MAZ: variants seen among roughly 807,000 people sequenced by gnomAD.
MAZ encodes MYC associated zinc finger protein, also known as myc-associated zinc finger protein.
A neutral mutation model predicts 32.7 loss-of-function variants in MAZ; 4 were observed. That is an observed-to-expected ratio of 0.12 (90% CI 0.06 to 0.28). The LOEUF (loss-of-function observed/expected upper bound fraction) is 0.28, where lower values mean the gene tolerates loss of function less well. Among genes scored for constraint, MAZ ranks in the 10% least tolerant of loss-of-function variants. The probability of loss-of-function intolerance (pLI) is 1.00; values close to 1 mark genes in which losing one functional copy is unlikely to be tolerated. For synonymous variants in MAZ, 510 were observed against 297.6 expected (o/e 1.71, Z -7.35); for missense variants, 763 against 667.2 (o/e 1.14, Z -1.58).
rs185558517 is a variant in MAZ, at chr16:29,808,303, C to T, written c.1107+10C>T. On this transcript the variant is annotated intron_variant, in intron 3 of 4. Coordinates refer to ENST00000322945, the MANE Select transcript of MAZ (RefSeq NM_002383.4). The stretch of plus-strand genomic sequence containing the variant: ...GCCCTTCAAATGTGAGGTAGGAAGC[C>T]CGCCTCCTCCTGTCTTGGTTTTCAT... The T allele has an allele frequency of 2.2e-5, 35 of 1,612,460 alleles. No individual in the cohort carries two copies. The highest frequency in any genetic ancestry group is 4.0e-5 in the African/African-American group (3 of 74,938).
Position 29,808,653 on chromosome 16 carries a change from T to C in MAZ, c.1191T>C (p.Cys397=). The change falls in exon 4 of 5, where the codon TGT becomes TGC. Residue 397 remains cysteine, a synonymous_variant. Coordinates refer to ENST00000322945, the MANE Select transcript of MAZ (RefSeq NM_002383.4). The part of the protein sequence containing the change: ...RHEEKVPCHV[C]GKMLSSAYIS... ...AGGAGAAAGTGCCATGTCACGTGTGTGGCAAGATGCTGAGCTCGGCTTATA... is the reference window on the plus strand; with the variant it reads ...AGGAGAAAGTGCCATGTCACGTGTGCGGCAAGATGCTGAGCTCGGCTTATA... 1 of 1,613,912 alleles carries C rather than the reference T, an allele frequency of 6.2e-7. No homozygotes were observed. Among genetic ancestry groups the C allele is most frequent in the South Asian group, 1.1e-5 (1 of 91,076 alleles).
chr16:29,808,223 T>C lies in MAZ; in HGVS notation c.1044-7T>C. 1 of 1,613,652 alleles carries C rather than the reference T, an allele frequency of 6.2e-7. No homozygotes were observed. Among genetic ancestry groups the C allele is most frequent in the Non-Finnish European group, 8.5e-7 (1 of 1,179,708 alleles). On this transcript the variant is annotated splice_polypyrimidine_tract_variant and splice_region_variant and intron_variant, in intron 2 of 4. Transcript: ENST00000322945. ...CCGCCCTAACCCCAACCCCAACGTG[T>C]CCCCAGGCCGGATCACCTCAACAGT...
intron 4 of MAZ, chr16:29,809,374 C>T (rs555528208): frequency 1.2e-5 from 7 of 606,624 alleles, no homozygotes; most frequent in South Asian, 9.8e-5. Context: ...CAGGGAGGGG[C>T]TGTGTCTACC....
upstream of MAZ, chr16:29,806,134 C>T (rs1435947894): frequency 5.4e-6 from 7 of 1,288,988 alleles, no homozygotes; most frequent in African/African-American, 1.6e-5. Flanking sequence ...ACCTCCCTCC[C>T]TCCCTCCGCC....
intron 4 of MAZ, chr16:29,809,684 T>TGG: frequency 6.5e-7 from 1 of 1,532,308 alleles, no homozygotes. Flanking sequence ...CAGACCCATC[T>TGG]GGGGGGGGCC....
chr16:29,808,837 G>C, intron 4 of MAZ, 96 bp downstream of exon 4: 1 of 1,289,550 alleles, frequency 7.8e-7, no homozygotes, highest in Non-Finnish European at 1.1e-6. Context: ...CTGTAGCCAA[G>C]AGCTCGTGGC....
chr16:29,807,803 T>G lies in MAZ; in HGVS notation c.1018T>G (p.Ser340Ala), dbSNP rs968761986. Residue 340 changes from serine to alanine, a missense_variant, in exon 2 of 5, where the codon TCC (serine) becomes GCC (alanine). Coordinates refer to ENST00000322945, the MANE Select transcript of MAZ (RefSeq NM_002383.4). ...CGCTGTGCACAAGCCCTACAACTGC[T>G]CCCACTGTGGCAAGAGCTTCTCCCG... ...DGAVHKPYNC[S>A]HCGKSFSRPD... 5.0e-6 allele frequency: 8 copies of G among 1,609,574 alleles called. No individual in the cohort carries two copies. Among genetic ancestry groups the G allele is most frequent in the Non-Finnish European group, 6.8e-6 (8 of 1,179,780 alleles).
intron 2 of MAZ, 182 bp downstream of exon 2, chr16:29,808,010 G>A (rs2516822): frequency 5.7e-6 from 7 of 1,236,946 alleles, no homozygotes; most frequent in Non-Finnish European, 6.6e-6. Flanking sequence ...CCTTTGTCGA[G>A]GAGGTGGGCC....
rs894431151 is a variant in MAZ at position 29,810,921 on chromosome 16, G to A, written c.*690G>A. 2.9e-6 allele frequency: 1 copy of A among 350,114 alleles called. No homozygotes were observed. Among genetic ancestry groups the A allele is most frequent in the African/African-American group, 2.2e-5 (1 of 46,064 alleles). 21.7% of individuals were successfully genotyped at this position (350,114 alleles called of 1,614,324 possible). On this transcript the variant is annotated 3_prime_UTR_variant, in exon 5 of 5. Coordinates refer to ENST00000322945, the MANE Select transcript of MAZ (RefSeq NM_002383.4). Reference sequence around the variant, plus strand: ...AGAAGAGATGGAGTCTTAGGGGCCAGGGTGAGCGAGGGGTCCAGGGCCTAG... The same window carrying A: ...AGAAGAGATGGAGTCTTAGGGGCCAAGGTGAGCGAGGGGTCCAGGGCCTAG...
At chr16:29,808,419 C>G (rs540067493) in intron 3 of MAZ, 126 bp downstream of exon 3, 4 of 1,078,844 alleles carry the variant, frequency 3.7e-6, no homozygotes, top group Non-Finnish European at 1.4e-6. Context: ...ATTTTCTCAT[C>G]CCTTCTTCAA....
In MAZ at chr16:29,807,481, C is replaced by T. The variant is rs781051097; in HGVS notation, c.696C>T (p.Pro232=). 1.4e-5 allele frequency: 23 copies of T among 1,612,060 alleles called. No individual in the cohort carries two copies. In the East Asian group the frequency reaches 1.6e-4, roughly 11 times the overall value. Reference sequence around the variant, plus strand: ...CTATGAAGATGCCGACCATGGTGCCCCTGAGCCTCCTGAGCGTGCCCCAGC... The same window carrying T: ...CTATGAAGATGCCGACCATGGTGCCTCTGAGCCTCCTGAGCGTGCCCCAGC... The part of the protein sequence containing the change: ...SGAMKMPTMV[P]LSLLSVPQLS... Residue 232 remains proline, a synonymous_variant, in exon 2 of 5, where the codon CCC becomes CCT. Coordinates refer to ENST00000322945, the MANE Select transcript of MAZ (RefSeq NM_002383.4).
rs752039044 is a variant in MAZ at position 29,811,062 on chromosome 16, C to T, written c.*831C>T. 170 of 455,274 alleles carry T rather than the reference C, an allele frequency of 3.7e-4. No homozygotes were observed. The highest frequency in any genetic ancestry group is 3.3e-4 in the Middle Eastern group (1 of 3,066). 28.2% of individuals were successfully genotyped at this position (455,274 alleles called of 1,614,324 possible). ...TTCCCCACGACAGAAGAAGTTGTGGCCCTGGCCATGTCATCGTGTTCCTGT... is the reference window on the plus strand; with the variant it reads ...TTCCCCACGACAGAAGAAGTTGTGGTCCTGGCCATGTCATCGTGTTCCTGT... On this transcript the variant is annotated 3_prime_UTR_variant, in exon 5 of 5. Coordinates refer to ENST00000322945, the MANE Select transcript of MAZ (RefSeq NM_002383.4).
At chr16:29,808,409 A>T in intron 3 of MAZ, 116 bp downstream of exon 3, 1 of 1,133,752 alleles carries the variant, frequency 8.8e-7, no homozygotes, top group Non-Finnish European at 1.3e-6. Context: ...TTTTTGCTCC[A>T]TTTTCTCATC....
chr16:29,808,434 T>A (rs1430273192), intron 3 of MAZ, 136 bp from the exon 4 acceptor site: 18 of 995,136 alleles, frequency 1.8e-5, no homozygotes, highest in Non-Finnish European at 2.5e-5. Flanking sequence ...CTTCAAGGCC[T>A]CATCATGTCA....
chr16:29,808,979 A>G (rs1899736158), intron 4 of MAZ: 1 of 564,268 alleles, frequency 1.8e-6, no homozygotes, highest in African/African-American at 1.9e-5. Context: ...GTGTGGGGAA[A>G]GCGGGAGTGG....
Position 29,808,916 on chromosome 16 carries a change from G to GA in MAZ, c.1279+177dup, listed in dbSNP as rs1596876133. 1.3e-5 allele frequency: 8 copies of GA among 619,824 alleles called. No homozygotes were observed. The East Asian group carries it at 2.3e-4, about 17-fold the overall frequency. 38.4% of individuals were successfully genotyped at this position (619,824 alleles called of 1,614,324 possible). On this transcript the variant is annotated intron_variant, in intron 4 of 4. Transcript: ENST00000322945. ...CTGAATGAACATCATTAGACTCTAAGAAGTCCTGGTTGGAAGAGATGATCT... is the reference window on the plus strand; with the variant it reads ...CTGAATGAACATCATTAGACTCTAAGAAAGTCCTGGTTGGAAGAGATGATCT...
chr16:29,808,149 C>A, intron 2 of MAZ, 81 bp from the exon 3 acceptor site: 1 of 1,271,538 alleles, frequency 7.9e-7, no homozygotes, highest in Non-Finnish European at 1.1e-6. Flanking sequence ...GCGCAGGGAT[C>A]CTCGGAAAGG....
In MAZ at chr16:29,811,140, A is replaced by G; in HGVS notation, c.*909A>G. ...CCCTTCCTTTTGCGCGGACCCCATT[A>G]CAATAAATTTTAAATAAAATCCTGT... On this transcript the variant is annotated 3_prime_UTR_variant, in exon 5 of 5. Coordinates refer to ENST00000322945, the MANE Select transcript of MAZ (RefSeq NM_002383.4). The G allele has an allele frequency of 2.3e-6, 1 of 432,026 alleles. No individual in the cohort carries two copies. The highest frequency in any genetic ancestry group is 4.6e-6 in the Non-Finnish European group (1 of 216,518). The allele number at this position is 432,026 out of a possible 1,614,324, so 26.8% of individuals were successfully genotyped here.
rs1265630354 is a variant in MAZ, at chr16:29,810,440, A to G, written c.*209A>G. On this transcript the variant is annotated 3_prime_UTR_variant, in exon 5 of 5. Transcript: ENST00000322945. ...CCTCTTCTGTCAGACCTGACCCCAC[A>G]CAAACCTGTCCCCTCGGTTGTGTTG... 2 of 721,786 alleles carry G rather than the reference A, an allele frequency of 2.8e-6. No individual in the cohort carries two copies. Among genetic ancestry groups the G allele is most frequent in the Non-Finnish European group, 5.0e-6 (2 of 402,402 alleles). The allele number at this position is 721,786 out of a possible 1,614,324, so 44.7% of individuals were successfully genotyped here.
Sources: allele counts gnomAD v4.1 joint callset, GRCh38; gene constraint gnomAD v4.1.1; transcripts MANE v1.5; gene names NCBI Gene and HGNC (gene_info 2026-07-23, HGNC 2026-07-21).